The following ATP2C2 variants were observed in gnomAD, a reference collection of about 807,000 sequenced individuals.
The protein encoded by ATP2C2 is calcium-transporting ATPase type 2C member 2.
Under a neutral mutation model 110.8 loss-of-function variants are expected in ATP2C2, and 171 were observed. The ratio of observed to expected loss-of-function variants is 1.54; its 90% CI spans 1.36 to 1.75. The LOEUF is 1.75. Among genes scored for constraint, ATP2C2 ranks in the 40% most tolerant of loss-of-function variants. ATP2C2 has a pLI of 0.00. For missense variants in ATP2C2, 1,963 were observed against 1,235.0 expected, an observed-to-expected ratio of 1.59 and a Z score of -8.84; for synonymous variants, 804 against 508.4, an observed-to-expected ratio of 1.58 and a Z score of -7.82.
chr16:84,411,020 A>G (rs1906236779), intron 6 of ATP2C2: 1 of 540,566 alleles, frequency 1.8e-6, no homozygotes, highest in African/African-American at 1.9e-5. Flanking sequence ...GACCACAGGT[A>G]GCAGGAGTGA....
At chr16:84,397,569 G>A (rs1456754191) in intron 1 of ATP2C2, among the ~76,000 whole-genome samples, 2 of 147,964 alleles carry the variant, frequency 1.4e-5, no homozygotes, top group Non-Finnish European at 3.0e-5. Flanking sequence ...TGCTATTCAG[G>A]AGGCTGAAGC....
At chr16:84,438,388 G>T (rs999234500) in intron 11 of ATP2C2, among the ~76,000 whole-genome samples, 1 of 152,130 alleles carries the variant, frequency 6.6e-6, no homozygotes. Context: ...AGTCAGCCCC[G>T]ATGTTGTGGA....
intron 17 of ATP2C2, among the ~76,000 whole-genome samples, chr16:84,450,905 G>C (rs576306212): frequency 6.6e-6 from 1 of 152,250 alleles, no homozygotes; most frequent in East Asian, 1.9e-4. Context: ...AGAACTGTTA[G>C]AAACGTCCCA....
intron 11 of ATP2C2, among the ~76,000 whole-genome samples, chr16:84,434,947 A>G (rs1426681548): frequency 1.3e-5 from 2 of 152,234 alleles, no homozygotes; most frequent in Admixed American, 6.5e-5. Context: ...ATGTTTGCTT[A>G]GCTGGTCTTC....
intron 1 of ATP2C2, among the ~76,000 whole-genome samples, chr16:84,370,915 C>G (rs772373892): frequency 6.6e-6 from 1 of 152,130 alleles, no homozygotes; most frequent in Non-Finnish European, 1.5e-5. Context: ...ATTTTACTCT[C>G]GTCATGTGAT....
chr16:84,447,140 C>G (rs1467867335), intron 16 of ATP2C2, among the ~76,000 whole-genome samples: 4 of 152,022 alleles, frequency 2.6e-5, no homozygotes, highest in African/African-American at 7.2e-5. Flanking sequence ...TTTTCTCCAC[C>G]CCTCCTCTTC....
At chr16:84,407,322 G>A (rs1462011990) in intron 3 of ATP2C2, 1 of 152,746 alleles carries the variant, frequency 6.5e-6, no homozygotes, top group Non-Finnish European at 1.5e-5. Context: ...GCTCTGAGGA[G>A]GTGGCATCTG....
rs1910984887 is a variant in ATP2C2 at position 84,459,114 on chromosome 16, T to C, written c.2148-6T>C. ...TCCGTGAGTAAATGGCTCTCTTCTC[T>C]TGCAGGAATGCAGTGGAGGAAGGCA... On this transcript the variant is annotated splice_polypyrimidine_tract_variant and splice_region_variant and intron_variant, in intron 21 of 26. Transcript: ENST00000262429. The C allele has an allele frequency of 1.2e-6, 2 of 1,613,972 alleles. No individual in the cohort carries two copies. The highest frequency in any genetic ancestry group is 1.1e-5 in the South Asian group (1 of 91,092).
intron 1 of ATP2C2, among the ~76,000 whole-genome samples, chr16:84,392,087 A>G (rs144054900): frequency 1.2e-3 from 177 of 152,150 alleles, no homozygotes; most frequent in African/African-American, 4.1e-3. Flanking sequence ...GAGAATTCCA[A>G]TCATATGCAG....
intron 2 of ATP2C2, among the ~76,000 whole-genome samples, chr16:84,403,876 A>T (rs1358705601): frequency 6.6e-6 from 1 of 152,120 alleles, no homozygotes; most frequent in Non-Finnish European, 1.5e-5. Flanking sequence ...TTTTTAGTAG[A>T]GACGGGCTTT....
At chr16:84,459,480 GAACA>G (rs776239004) in intron 23 of ATP2C2, 94 bp downstream of exon 23, 9 of 1,597,104 alleles carry the variant, frequency 5.6e-6, no homozygotes, top group Non-Finnish European at 8.5e-7. Flanking sequence ...CTATAGGGAT[GAACA>G]AATACAGCCA....
chr16:84,428,523 G>C (rs1488067013), intron 11 of ATP2C2, among the ~76,000 whole-genome samples: 2 of 152,074 alleles, frequency 1.3e-5, no homozygotes, highest in Non-Finnish European at 2.9e-5. Flanking sequence ...CAAAATCTTA[G>C]TAACACCAAA....
chr16:84,437,446 A>G (rs1353358616), intron 11 of ATP2C2, among the ~76,000 whole-genome samples: 3 of 152,046 alleles, frequency 2.0e-5, no homozygotes, highest in African/African-American at 7.2e-5. Context: ...CTTGAGCTCA[A>G]ATGATCTGCC....
intron 18 of ATP2C2, 117 bp from the exon 19 acceptor site, chr16:84,453,021 G>A: frequency 9.1e-7 from 1 of 1,093,202 alleles, no homozygotes; most frequent in African/African-American, 1.6e-5. Flanking sequence ...TAGGTCCTCA[G>A]TAAACCGTCT....
At chr16:84,446,545 G>T in intron 16 of ATP2C2, 115 bp downstream of exon 16, 1 of 626,954 alleles carries the variant, frequency 1.6e-6, no homozygotes, top group South Asian at 3.2e-5. Flanking sequence ...CTTCTGTGAC[G>T]TTCCAAATAC....
chr16:84,439,259 C>A lies in ATP2C2; in HGVS notation c.1080C>A (p.Ile360=), dbSNP rs375931622. 1.9e-6 allele frequency: 3 copies of A among 1,612,412 alleles called. No individual in the cohort carries two copies. Among genetic ancestry groups the A allele is most frequent in the Middle Eastern group, 2.1e-4 (1 of 4,758 alleles). Residue 360 remains isoleucine (I), a synonymous_variant, in exon 12 of 27, where the codon ATC becomes ATA. Transcript: ENST00000262429. Reference sequence around the variant, plus strand: ...TGCGGATGGCCAAGAAGCGGGTCATCGTGAAGAAGTTACCCATCGTGGAGA... The same window carrying A: ...TGCGGATGGCCAAGAAGCGGGTCATAGTGAAGAAGTTACCCATCGTGGAGA... ...GVLRMAKKRV[I]VKKLPIVETL...
In ATP2C2 at chr16:84,453,130, T is replaced by C; in HGVS notation, c.1832-8T>C. On this transcript the variant is annotated splice_region_variant and splice_polypyrimidine_tract_variant and intron_variant, in intron 18 of 26. Coordinates refer to ENST00000262429, the MANE Select transcript of ATP2C2 (RefSeq NM_014861.4). ...CAGAGCAGGCCCTCAGAACAGGTTC[T>C]TCTGAAGGAAGAAACATCGGCCTGT... 10 of 1,603,886 alleles carry C rather than the reference T, an allele frequency of 6.2e-6. No individual in the cohort carries two copies. Among genetic ancestry groups the C allele is most frequent in the Non-Finnish European group, 8.5e-6 (10 of 1,174,922 alleles).
rs1905660198 is a variant in ATP2C2, at chr16:84,405,254, G to T, written c.327+10G>T. ...GAAATACCTGGATCAGGTAGGACCA[G>T]AGGTGTCATTCTTTGCATTAACATG... is the stretch of plus-strand genomic sequence containing the variant. On this transcript the variant is annotated intron_variant, in intron 3 of 26. Transcript: ENST00000262429. 1.9e-6 allele frequency: 3 copies of T among 1,604,838 alleles called. No individual in the cohort carries two copies. The African/African-American group carries it at 4.0e-5, about 22-fold the overall frequency.
rs757253632 is a variant in ATP2C2, at chr16:84,460,843, C to G, written c.2481+42C>G. On this transcript the variant is annotated intron_variant, in intron 24 of 26. Transcript: ENST00000262429. ...CCGGCCTGTTCTCCAAGCCCTGGTG[C>G]GGTGCAGACGCTGGGGACTGCAGTC... 7 of 1,572,850 alleles carry G rather than the reference C, an allele frequency of 4.5e-6. No individual in the cohort carries two copies. The African/African-American group carries it at 5.4e-5, about 12-fold the overall frequency.
Sources: allele counts gnomAD v4.1 joint callset (sites outside exome capture counted in the v4.1 genomes callset), GRCh38; gene constraint gnomAD v4.1.1; transcripts MANE v1.5; gene names NCBI Gene and HGNC (gene_info 2026-07-23, HGNC 2026-07-21).